The following SLC6A9 variants were observed in gnomAD, a reference collection of about 807,000 sequenced individuals.
SLC6A9 encodes solute carrier family 6 member 9.
Under a neutral mutation model 70.9 loss-of-function variants are expected in SLC6A9, and 31 were observed. The observed-to-expected ratio is 0.44, with a 90% confidence interval of 0.33 to 0.59. The LOEUF is 0.59. Among genes scored for constraint, SLC6A9 ranks in the 20% least tolerant of loss-of-function variants. The probability of loss-of-function intolerance (pLI) is 0.04; values close to 1 mark genes in which losing one functional copy is unlikely to be tolerated. For synonymous variants in SLC6A9, 310 were observed against 341.3 expected, an observed-to-expected ratio of 0.91 and a Z score of 1.01; for missense variants, 631 against 845.2, an observed-to-expected ratio of 0.75 and a Z score of 3.14.
chr1:44,003,027 G>T (rs1197804458), intron 5 of SLC6A9, 42 bp from the exon 6 acceptor site: 2 of 1,611,206 alleles, frequency 1.2e-6, no homozygotes, highest in Non-Finnish European at 1.7e-6. Flanking sequence ...AGCCGCCGCT[G>T]CCCAGCAACA....
chr1:44,002,675 C>T lies in SLC6A9; in HGVS notation c.724-29G>A. The T allele has an allele frequency of 6.2e-7, 1 of 1,612,866 alleles. No homozygotes were observed. The highest frequency in any genetic ancestry group is 2.2e-5 in the East Asian group (1 of 44,868). On this transcript the variant is annotated intron_variant, in intron 6 of 13. Coordinates refer to ENST00000372310, the MANE Select transcript of SLC6A9 (RefSeq NM_001024845.3). This position sits in a 1 kb window ranked among gnomAD's most constrained non-coding sequence, Gnocchi z 5.5. ...GCACAAGAGGGCTCCATGGACTCTT[C>T]TGGGCTCTCCCCTCCCCTGGGCACC...
chr1:44,006,137 G>C (rs1256136964), intron 5 of SLC6A9, among the ~76,000 whole-genome samples: 1 of 152,174 alleles, frequency 6.6e-6, no homozygotes, highest in Admixed American at 6.5e-5. Flanking sequence ...CCCCAGACTA[G>C]ATCAAGTTGA....
Position 44,002,875 on chromosome 1 carries a change from C to T in SLC6A9, c.701G>A (p.Arg234Gln), listed in dbSNP as rs140444555. The T allele has an allele frequency of 4.7e-5, 76 of 1,613,988 alleles. No homozygotes were observed. Among genetic ancestry groups the T allele is most frequent in the African/African-American group, 6.7e-5 (5 of 74,900 alleles). Residue 234 changes from arginine to glutamine, a missense_variant, in exon 6 of 14, where the codon CGA becomes CAA. Coordinates refer to ENST00000372310, the MANE Select transcript of SLC6A9 (RefSeq NM_001024845.3). This position sits in a 1 kb window ranked among gnomAD's most constrained non-coding sequence, Gnocchi z 5.5. ...TGCTTTCCCTGAAGACTTGACCCCT[C>T]GGATGAGGCAGAGGAAGACGACCAA... ...SWLVVFLCLI[R>Q]GVKSSGKVVY...
intron 2 of SLC6A9, among the ~76,000 whole-genome samples, chr1:44,020,428 T>C (rs2086860354): frequency 6.6e-6 from 1 of 152,174 alleles, no homozygotes. Flanking sequence ...AAGGACCCAA[T>C]GTGCGCCCAG....
At chr1:44,009,392 T>C (rs2086462239) in intron 4 of SLC6A9, among the ~76,000 whole-genome samples, 1 of 151,788 alleles carries the variant, frequency 6.6e-6, no homozygotes, top group South Asian at 2.1e-4. Context: ...GCTAATTTTG[T>C]TTTTGTATTT....
rs1571833355 is a variant in SLC6A9 at position 43,997,767 on chromosome 1, G to A, written c.1708-28C>T. On this transcript the variant is annotated intron_variant, in intron 13 of 13. Transcript: ENST00000372310. The surrounding 1 kb of genome is among the most constrained non-coding windows in gnomAD (Gnocchi z 4.4). ...GCATGAGGTAGGCATGGGGCACAGG[G>A]GCAGGGCACGTCAGGAGGGAGCCCT... 3 of 1,595,832 alleles carry A rather than the reference G, an allele frequency of 1.9e-6. No individual in the cohort carries two copies. The highest frequency in any genetic ancestry group is 1.1e-5 in the South Asian group (1 of 89,680).
intron 2 of SLC6A9, among the ~76,000 whole-genome samples, chr1:44,023,718 G>A (rs2086929885): frequency 1.3e-5 from 2 of 152,160 alleles, no homozygotes; most frequent in South Asian, 4.1e-4. Flanking sequence ...CCTCTCCCGT[G>A]TCTCGTGGCC....
intron 2 of SLC6A9, among the ~76,000 whole-genome samples, chr1:44,019,714 C>G (rs1265551116): frequency 2.6e-5 from 4 of 152,246 alleles, no homozygotes; most frequent in Non-Finnish European, 1.5e-5. Flanking sequence ...TAGCGAGATC[C>G]AGCTGCTCTA....
intron 5 of SLC6A9, among the ~76,000 whole-genome samples, chr1:44,004,652 AT>A (rs925485326): frequency 1.2e-4 from 19 of 152,148 alleles, no homozygotes; most frequent in Admixed American, 9.2e-4. Flanking sequence ...GGCCTATATT[AT>A]TTTTGACTGC....
chr1:44,023,262 C>G (rs539185672), intron 2 of SLC6A9, among the ~76,000 whole-genome samples: 1 of 152,290 alleles, frequency 6.6e-6, no homozygotes, highest in African/African-American at 2.4e-5. Flanking sequence ...ACAACCATTG[C>G]CTCTGGGACA....
At chr1:44,006,684 A>C (rs1234258991) in intron 5 of SLC6A9, among the ~76,000 whole-genome samples, 1 of 152,214 alleles carries the variant, frequency 6.6e-6, no homozygotes, top group East Asian at 1.9e-4. Context: ...AAAAATTAAA[A>C]AATGAAAGAC....
In SLC6A9 at chr1:43,997,865, G is replaced by T. The variant is rs1331993313; in HGVS notation, c.1697C>A (p.Thr566Asn). ...TGTCCCTGCCCTCACCTGGAGGAGG[G>T]TGTCCCCGTCTGTGCGGCAGAGCCG... ...MFRLCRTDGD[T>N]LLQRLKNATK... is the part of the protein sequence containing the mutation. The change falls in exon 13 of 14, where the codon ACC (threonine) becomes AAC (asparagine). Residue 566 changes from threonine (T) to asparagine (N), a missense_variant. Coordinates refer to ENST00000372310, the MANE Select transcript of SLC6A9 (RefSeq NM_001024845.3). The surrounding 1 kb of genome is among the most constrained non-coding windows in gnomAD (Gnocchi z 4.4). 4 of 1,609,290 alleles carry T rather than the reference G, an allele frequency of 2.5e-6. No individual in the cohort carries two copies. The highest frequency in any genetic ancestry group is 2.7e-5 in the African/African-American group (2 of 74,834).
At chr1:44,025,769 T>C (rs1449357530) in intron 1 of SLC6A9, among the ~76,000 whole-genome samples, 4 of 149,194 alleles carry the variant, frequency 2.7e-5, no homozygotes, top group Non-Finnish European at 5.9e-5. Flanking sequence ...GACTGCACTC[T>C]AGCTTGGGTG....
chr1:44,008,249 G>T, intron 5 of SLC6A9, 104 bp downstream of exon 5: 2 of 1,133,982 alleles, frequency 1.8e-6, no homozygotes, highest in Non-Finnish European at 2.6e-6. Flanking sequence ...CCCAGCAGCG[G>T]GCTGAACCTG....
intron 2 of SLC6A9, among the ~76,000 whole-genome samples, chr1:44,021,379 C>T (rs1163456055): frequency 6.6e-6 from 1 of 152,186 alleles, no homozygotes; most frequent in Non-Finnish European, 1.5e-5. Context: ...GAGGGAGGGA[C>T]ACGTGCAGCA....
intron 11 of SLC6A9, 37 bp downstream of exon 11, chr1:44,000,919 G>A: frequency 6.2e-7 from 1 of 1,600,436 alleles, no homozygotes; most frequent in Non-Finnish European, 8.5e-7. Flanking sequence ...GCGGGCCAAG[G>A]GCCGGGTCGC....
rs200036856 is a variant in SLC6A9 at position 44,010,737 on chromosome 1, C to A, written c.176G>T (p.Arg59Leu). The A allele has an allele frequency of 1.9e-6, 3 of 1,614,126 alleles. No homozygotes were observed. Among genetic ancestry groups the A allele is most frequent in the Non-Finnish European group, 2.5e-6 (3 of 1,179,968 alleles). ...TGCCCACTGGGTACCTCCCCCGTTG[C>A]GATAGCAGAGGTATGGGAAGCGCCA... is the stretch of plus-strand genomic sequence containing the variant. ...NVWRFPYLCY[R>L]NGGGAFMFPY... Residue 59 changes from arginine to leucine, a missense_variant, in exon 3 of 14, where the codon CGC (arginine) becomes CTC (leucine). Transcript: ENST00000372310.
chr1:44,008,250 G>T, intron 5 of SLC6A9, 103 bp downstream of exon 5: 2 of 1,150,746 alleles, frequency 1.7e-6, no homozygotes, highest in Non-Finnish European at 2.6e-6. Flanking sequence ...CCAGCAGCGG[G>T]CTGAACCTGC....
At chr1:44,029,703 C>T (rs887186754) in intron 1 of SLC6A9, among the ~76,000 whole-genome samples, 3 of 152,184 alleles carry the variant, frequency 2.0e-5, no homozygotes, top group Admixed American at 6.5e-5. Flanking sequence ...AGGGCAGAGG[C>T]GTGATTCTTC....
Sources: gnomAD v4.1 joint callset for allele counts (sites outside exome capture counted in the v4.1 genomes callset) on GRCh38, gnomAD v4.1.1 for gene constraint, Gnocchi (gnomAD v3.1) non-coding constraint, MANE v1.5 for transcripts, NCBI Gene and HGNC (gene_info 2026-07-23, HGNC 2026-07-21) for gene names.